The following DCBLD1 variants were observed in gnomAD, a reference collection of about 807,000 sequenced individuals.
DCBLD1 encodes discoidin, CUB and LCCL domain-containing protein 1.
Under a neutral mutation model 71.5 loss-of-function variants are expected in DCBLD1, and 57 were observed. That is an observed-to-expected ratio of 0.80 (90% CI 0.64 to 0.99). The LOEUF (loss-of-function observed/expected upper bound fraction) is 0.99. DCBLD1 is among the 50% of genes least tolerant of loss of function. The pLI, the probability that DCBLD1 is intolerant of heterozygous loss-of-function variation, is 0.00. For missense variants in DCBLD1, 891 were observed against 923.5 expected (o/e 0.96, Z 0.46); for synonymous variants, 380 against 363.8 (o/e 1.04, Z -0.51).
chr6:117,561,666 C>G (rs1779586833), intron 14 of DCBLD1: 1 of 199,674 alleles, frequency 5.0e-6, no homozygotes, highest in African/African-American at 2.3e-5. Flanking sequence ...CAATTAAATA[C>G]TAGCTTTTGC....
chr6:117,542,972 TGC>T (rs1231198379), intron 11 of DCBLD1, 150 bp from the exon 12 acceptor site: 2 of 640,642 alleles, frequency 3.1e-6, no homozygotes, highest in Admixed American at 2.8e-5. Context: ...CCTTTCTTTT[TGC>T]TTTCCAATAT....
chr6:117,486,516 T>C (rs1260502878), intron 1 of DCBLD1, among the ~76,000 whole-genome samples: 2 of 152,230 alleles, frequency 1.3e-5, no homozygotes, highest in Non-Finnish European at 2.9e-5. Flanking sequence ...TTCCCTGAAA[T>C]GCTCCCCCAT....
chr6:117,490,741 C>T (rs1013258734), intron 1 of DCBLD1, among the ~76,000 whole-genome samples: 1 of 149,926 alleles, frequency 6.7e-6, no homozygotes, highest in African/African-American at 2.5e-5. Flanking sequence ...AAATTATAAC[C>T]GCTGTTGTGG....
At chr6:117,488,051 C>G (rs1417585643) in intron 1 of DCBLD1, among the ~76,000 whole-genome samples, 1 of 152,142 alleles carries the variant, frequency 6.6e-6, no homozygotes, top group Non-Finnish European at 1.5e-5. Context: ...AACTGTCAAA[C>G]TTGCCTTTCA....
chr6:117,489,354 A>G (rs1368081184), intron 1 of DCBLD1, among the ~76,000 whole-genome samples: 1 of 152,182 alleles, frequency 6.6e-6, no homozygotes, highest in African/African-American at 2.4e-5. Context: ...ATCTGTCCCT[A>G]TGATCCAATA....
chr6:117,517,332 G>A (rs1778233559), intron 2 of DCBLD1, among the ~76,000 whole-genome samples: 1 of 152,234 alleles, frequency 6.6e-6, no homozygotes, highest in African/African-American at 2.4e-5. Flanking sequence ...TCATGCTGAT[G>A]CAAGAGGTGA....
intron 1 of DCBLD1, among the ~76,000 whole-genome samples, chr6:117,493,289 C>T (rs1257848810): frequency 6.6e-6 from 1 of 152,080 alleles, no homozygotes; most frequent in Non-Finnish European, 1.5e-5. Context: ...TTGACAAGAT[C>T]CCCAGGTGAT....
intron 1 of DCBLD1, among the ~76,000 whole-genome samples, chr6:117,500,172 GGAAGCACAAGA>G (rs1440947480): frequency 6.6e-6 from 1 of 152,158 alleles, no homozygotes; most frequent in East Asian, 1.9e-4. Flanking sequence ...CCCAAACTGT[GGAAGCACAAGA>G]GAGTGAAAAT....
chr6:117,506,465 A>G (rs1206406669), intron 2 of DCBLD1, among the ~76,000 whole-genome samples: 1 of 152,206 alleles, frequency 6.6e-6, no homozygotes, highest in East Asian at 1.9e-4. Flanking sequence ...TTGATTGAGG[A>G]TGTGCTTAAG....
chr6:117,515,061 C>G (rs1190294124), intron 2 of DCBLD1, among the ~76,000 whole-genome samples: 1 of 150,096 alleles, frequency 6.7e-6, no homozygotes, highest in Non-Finnish European at 1.5e-5. Context: ...GTTCTATCAC[C>G]CAGGCTGAAA....
chr6:117,537,780 T>C lies in DCBLD1; in HGVS notation c.760+555T>C, dbSNP rs143606103. ...TTACTTCAGCCACCCTCACCAAATC[T>C]TCTTGACTTAACCATCCACAGGACA... On this transcript the variant is annotated intron_variant, in intron 7 of 14. Transcript: ENST00000338728. Among the ~76,000 whole-genome samples the C allele has an allele frequency of 8.3e-3, 1,242 of 150,168 alleles. 13 individuals are homozygous for C. Among genetic ancestry groups the C allele is most frequent in the Non-Finnish European group, 9.1e-3 (618 of 67,550 alleles).
chr6:117,509,851 C>G (rs945235370), intron 2 of DCBLD1, among the ~76,000 whole-genome samples: 1 of 152,180 alleles, frequency 6.6e-6, no homozygotes, highest in African/African-American at 2.4e-5. Flanking sequence ...AGAACTAGCT[C>G]CATATACAGG....
intron 1 of DCBLD1, among the ~76,000 whole-genome samples, chr6:117,501,999 G>A (rs1415084434): frequency 2.0e-5 from 3 of 152,072 alleles, no homozygotes; most frequent in Non-Finnish European, 4.4e-5. Context: ...CCAAACCTGA[G>A]TCTGTTGATT....
chr6:117,537,618 G>GGTTGTTTTTT (rs1252008908), intron 7 of DCBLD1, among the ~76,000 whole-genome samples: 4 of 131,414 alleles, frequency 3.0e-5, no homozygotes, highest in African/African-American at 1.2e-4. Context: ...TAGTTTAAAA[G>GGTTGTTTTTT]GTTGTTTTTT....
intron 6 of DCBLD1, among the ~76,000 whole-genome samples, chr6:117,535,128 G>A (rs1444142420): frequency 6.6e-6 from 1 of 152,192 alleles, no homozygotes; most frequent in East Asian, 1.9e-4. Flanking sequence ...ACACATGATT[G>A]TTTGGCATTC....
intron 1 of DCBLD1, among the ~76,000 whole-genome samples, chr6:117,485,928 T>C (rs1045633790): frequency 2.0e-5 from 3 of 152,240 alleles, no homozygotes; most frequent in South Asian, 2.1e-4. Context: ...CTTTTGGCTC[T>C]AGTAGATATA....
rs148455716 is a variant in DCBLD1 at position 117,544,549 on chromosome 6, G to A, written c.1467G>A (p.Pro489=). The change falls in exon 13 of 15, where the codon CCG becomes CCA. Residue 489 remains proline (P), a synonymous_variant. Coordinates refer to ENST00000338728, the MANE Select transcript of DCBLD1 (RefSeq NM_001366458.2). ...AFRKKKKKGS[P]YGSAEAQKTD... ...ATAGGAAGAAGAAGAAAGGAAGTCC[G>A]TATGGATCAGCAGAGGCTCAGAAAA... 3.8e-4 allele frequency: 620 copies of A among 1,613,906 alleles called. 1 individual carries two copies. The highest frequency in any genetic ancestry group is 4.4e-4 in the Non-Finnish European group (518 of 1,179,960).
chr6:117,542,225 G>A (rs1779120281), intron 11 of DCBLD1, among the ~76,000 whole-genome samples: 1 of 151,072 alleles, frequency 6.6e-6, no homozygotes, highest in African/African-American at 2.4e-5. Context: ...CCCAGAAGGC[G>A]AAGGTTGCCC....
chr6:117,490,480 TG>T (rs1562427037), intron 1 of DCBLD1, among the ~76,000 whole-genome samples: 2 of 152,234 alleles, frequency 1.3e-5, no homozygotes, highest in Non-Finnish European at 2.9e-5. Flanking sequence ...GTCTCGTCAA[TG>T]TTTTTGTTTT....
Sources: gnomAD v4.1 joint callset for allele counts (sites outside exome capture counted in the v4.1 genomes callset) on GRCh38, gnomAD v4.1.1 for gene constraint, MANE v1.5 for transcripts, NCBI Gene and HGNC (gene_info 2026-07-23, HGNC 2026-07-21) for gene names.